Variants in ST6GAL1 observed in about 807,000 individuals in gnomAD.
ST6GAL1 encodes ST6 beta-galactoside alpha-2,6-sialyltransferase 1.
Under a neutral mutation model 38.0 loss-of-function variants are expected in ST6GAL1, and 20 were observed. The observed-to-expected ratio is 0.53, with a 90% confidence interval of 0.37 to 0.77. The LOEUF (loss-of-function observed/expected upper bound fraction) is 0.77, where lower values mean the gene tolerates loss of function less well. Ranked by LOEUF, ST6GAL1 falls within the 30% of genes least tolerant of loss-of-function variation. The pLI, the probability that ST6GAL1 is intolerant of heterozygous loss-of-function variation, is 0.00. For missense variants in ST6GAL1, 432 were observed against 496.4 expected, an observed-to-expected ratio of 0.87 and a Z score of 1.23; for synonymous variants, 196 against 188.2, an observed-to-expected ratio of 1.04 and a Z score of -0.34.
At chr3:187,024,203 C>T (rs1717434365) in intron 2 of ST6GAL1, among the ~76,000 whole-genome samples, 1 of 151,832 alleles carries the variant, frequency 6.6e-6, no homozygotes, top group East Asian at 1.9e-4. Context: ...AAGTGATTCT[C>T]CTGCCTCAGC....
In ST6GAL1 at chr3:187,011,992, T is replaced by A. The variant is rs368850100; in HGVS notation, c.-182-26750T>A. Among the ~76,000 whole-genome samples, 108 of 152,320 alleles carry A rather than the reference T, an allele frequency of 7.1e-4. 1 individual carries two copies. Among genetic ancestry groups the A allele is most frequent in the African/African-American group, 2.5e-3 (102 of 41,570 alleles). On this transcript the variant is annotated intron_variant, in intron 2 of 7. Coordinates refer to ENST00000169298, the MANE Select transcript of ST6GAL1 (RefSeq NM_173216.2). ...AGCAGGATTCAGACCTGGAACGCTC[T>A]CTTTCCAGGGCAACCTAGCCAAGCT...
chr3:187,024,250 C>T (rs1358462983), intron 2 of ST6GAL1, among the ~76,000 whole-genome samples: 2 of 151,586 alleles, frequency 1.3e-5, no homozygotes, highest in Admixed American at 6.6e-5. Context: ...CATGCCTCCA[C>T]GCCTGGCTAA....
intron 2 of ST6GAL1, among the ~76,000 whole-genome samples, chr3:186,975,627 C>T (rs1024890654): frequency 5.9e-5 from 9 of 152,350 alleles, no homozygotes; most frequent in African/African-American, 2.2e-4. Context: ...ACTCTCCCAT[C>T]CACTTCTTCC....
intron 2 of ST6GAL1, among the ~76,000 whole-genome samples, chr3:186,985,407 G>T (rs1431229216): frequency 1.5e-5 from 2 of 131,952 alleles, no homozygotes; most frequent in East Asian, 4.2e-4. Flanking sequence ...TTAGCACTTA[G>T]CAAATGTTTA....
At chr3:186,947,760 G>A (rs909417359) in intron 1 of ST6GAL1, among the ~76,000 whole-genome samples, 1 of 152,186 alleles carries the variant, frequency 6.6e-6, no homozygotes, top group African/African-American at 2.4e-5. Context: ...CCACTGCCTA[G>A]CCTGAGATTA....
chr3:186,985,277 T>C (rs1715872295), intron 2 of ST6GAL1, among the ~76,000 whole-genome samples: 1 of 152,116 alleles, frequency 6.6e-6, no homozygotes, highest in Admixed American at 6.5e-5. Context: ...ACCAAATAAT[T>C]TTTTTAATTT....
At chr3:186,947,071 G>A (rs1387319146) in intron 1 of ST6GAL1, among the ~76,000 whole-genome samples, 1 of 152,200 alleles carries the variant, frequency 6.6e-6, no homozygotes, top group South Asian at 2.1e-4. Flanking sequence ...GCGTTGGCAT[G>A]TCTGGGGTTA....
At chr3:186,953,061 A>G (rs1265531455) in intron 1 of ST6GAL1, among the ~76,000 whole-genome samples, 1 of 152,180 alleles carries the variant, frequency 6.6e-6, no homozygotes, top group African/African-American at 2.4e-5. Flanking sequence ...TTGGTCCAGG[A>G]CAGAAGACCT....
At chr3:186,974,645 A>T (rs1406020950) in intron 2 of ST6GAL1, among the ~76,000 whole-genome samples, 1 of 150,996 alleles carries the variant, frequency 6.6e-6, no homozygotes, top group East Asian at 1.9e-4. Context: ...TTTTGTTTTT[A>T]TGGGATTAGT....
At chr3:186,966,334 T>C (rs1715115041) in intron 2 of ST6GAL1, among the ~76,000 whole-genome samples, 1 of 152,246 alleles carries the variant, frequency 6.6e-6, no homozygotes, top group Non-Finnish European at 1.5e-5. Context: ...TATTTAATTC[T>C]GCAATGAGCT....
chr3:187,000,272 G>A (rs985375015), intron 2 of ST6GAL1, among the ~76,000 whole-genome samples: 6 of 152,080 alleles, frequency 3.9e-5, no homozygotes, highest in East Asian at 1.9e-4. Flanking sequence ...ATTTTGGGCC[G>A]GATGTGGTGG....
rs117973078 is a variant in ST6GAL1 at position 187,067,930 on chromosome 3, G to T, written c.706-4919G>T. ...CTGTGACATACTACAACTCAGGCAA[G>T]AAGCAAATTCTCCTGACACTCCATA... On this transcript the variant is annotated intron_variant, in intron 5 of 7. Transcript: ENST00000169298. Among the ~76,000 whole-genome samples the T allele has an allele frequency of 0.018, 2,705 of 152,280 alleles. 179 individuals are homozygous for T. In the East Asian group the frequency reaches 0.23, roughly 13 times the overall value.
intron 1 of ST6GAL1, among the ~76,000 whole-genome samples, chr3:186,944,316 G>T (rs1004326905): frequency 1.3e-5 from 2 of 152,160 alleles, no homozygotes; most frequent in African/African-American, 4.8e-5. Context: ...AATGGGCCTT[G>T]AGCTGTCCCT....
At chr3:187,063,563 C>G (rs909956536) in intron 5 of ST6GAL1, among the ~76,000 whole-genome samples, 2 of 152,128 alleles carry the variant, frequency 1.3e-5, no homozygotes, top group Admixed American at 6.5e-5. Context: ...ATGGTAGGAT[C>G]TGGAGGTGAG....
chr3:187,017,632 A>C (rs983213743), intron 2 of ST6GAL1, among the ~76,000 whole-genome samples: 4 of 152,178 alleles, frequency 2.6e-5, no homozygotes, highest in African/African-American at 9.7e-5. Flanking sequence ...TCAGTTTGTT[A>C]AGACGAGCGA....
chr3:186,996,497 T>G (rs1179092072), intron 2 of ST6GAL1: 2 of 152,200 alleles, frequency 1.3e-5, no homozygotes, highest in Admixed American at 6.5e-5. Flanking sequence ...CAGGAGCTTC[T>G]TCTCTCACAA....
intron 2 of ST6GAL1, among the ~76,000 whole-genome samples, chr3:186,987,194 G>GGGAGGGAA (rs1189156546): frequency 3.0e-5 from 4 of 133,050 alleles, no homozygotes; most frequent in Non-Finnish European, 6.3e-5. Flanking sequence ...GAGGGAGGGA[G>GGGAGGGAA]GGAGGGAAGG....
intron 2 of ST6GAL1, among the ~76,000 whole-genome samples, chr3:187,027,643 T>G (rs1426655372): frequency 6.6e-6 from 1 of 152,136 alleles, no homozygotes; most frequent in Non-Finnish European, 1.5e-5. Flanking sequence ...TTTCAAAGGC[T>G]TCCTTTCTGT....
intron 1 of ST6GAL1, among the ~76,000 whole-genome samples, chr3:186,947,891 C>T (rs1714434887): frequency 6.6e-6 from 1 of 152,246 alleles, no homozygotes; most frequent in Non-Finnish European, 1.5e-5. Context: ...TCTGTTCAAG[C>T]ACCCACAGGT....
Sources: allele counts gnomAD v4.1 joint callset (sites outside exome capture counted in the v4.1 genomes callset), GRCh38; gene constraint gnomAD v4.1.1; transcripts MANE v1.5; gene names NCBI Gene and HGNC (gene_info 2026-07-23, HGNC 2026-07-21).